KCNQ3: variants seen among roughly 807,000 people sequenced by gnomAD.
The protein encoded by KCNQ3 is potassium voltage-gated channel subfamily KQT member 3.
In KCNQ3, 30 loss-of-function variants were observed where a neutral mutation model predicts 92.5. That is an observed-to-expected ratio of 0.32 (90% CI 0.24 to 0.44). The LOEUF is 0.44. KCNQ3 is among the 20% of genes least tolerant of loss of function. KCNQ3 has a pLI of 1.00. For synonymous variants in KCNQ3, 450 were observed against 468.8 expected, an observed-to-expected ratio of 0.96 and a Z score of 0.52; for missense variants, 913 against 1,140.3, an observed-to-expected ratio of 0.80 and a Z score of 2.87.
intron 1 of KCNQ3, among the ~76,000 whole-genome samples, chr8:132,374,176 G>A (rs957968772): frequency 6.6e-6 from 1 of 152,112 alleles, no homozygotes; most frequent in African/African-American, 2.4e-5. Flanking sequence ...GCCATGACCC[G>A]ACTTGCTCCA....
chr8:132,427,968 C>T (rs543855372), intron 1 of KCNQ3, among the ~76,000 whole-genome samples: 1 of 152,332 alleles, frequency 6.6e-6, no homozygotes, highest in East Asian at 1.9e-4. Context: ...CAATCATACC[C>T]AAGTCTTATG....
intron 1 of KCNQ3, among the ~76,000 whole-genome samples, chr8:132,378,920 C>T (rs1326537662): frequency 1.3e-5 from 2 of 152,212 alleles, no homozygotes; most frequent in African/African-American, 2.4e-5. Flanking sequence ...AGAAGAGTAG[C>T]AGCCATCTTT....
At chr8:132,132,099 A>T in intron 14 of KCNQ3, 81 bp downstream of exon 14, 3 of 958,682 alleles carry the variant, frequency 3.1e-6, no homozygotes, top group South Asian at 1.4e-5. Context: ...AAAAAAAAAA[A>T]GAAAGAAAGA....
intron 1 of KCNQ3, among the ~76,000 whole-genome samples, chr8:132,413,974 A>T (rs1479544770): frequency 1.3e-5 from 2 of 152,160 alleles, no homozygotes; most frequent in Non-Finnish European, 2.9e-5. Context: ...TGAATTATTC[A>T]TCCTGAGGAG....
chr8:132,320,682 C>A (rs1007048664), intron 1 of KCNQ3, among the ~76,000 whole-genome samples: 2 of 152,088 alleles, frequency 1.3e-5, no homozygotes, highest in African/African-American at 4.8e-5. Flanking sequence ...ATACTGACAG[C>A]CCCACTTGCT....
Position 132,163,464 on chromosome 8 carries a change from T to C in KCNQ3, c.1262+4A>G. The C allele has an allele frequency of 6.2e-7, 1 of 1,611,528 alleles. No homozygotes were observed. The highest frequency in any genetic ancestry group is 8.5e-7 in the Non-Finnish European group (1 of 1,177,694). On this transcript the variant is annotated splice_donor_region_variant and intron_variant, in intron 9 of 14. Coordinates refer to ENST00000388996, the MANE Select transcript of KCNQ3 (RefSeq NM_004519.4). ...AAGAAGGGAATTCATAATCAGAAAC[T>C]TACCTGGATGCTGCCTCCAGCTGTT...
In KCNQ3 at chr8:132,132,210, C is replaced by G. The variant is rs1220517722; in HGVS notation, c.1854G>C (p.Met618Ile). ...PSTSEIEDQS[M>I]MGKFVKVERQ... ...TTTCAACTTTTACAAACTTCCCCAT[C>G]ATGCTTTGGTCTTCGATTTCTGATG... Residue 618 changes from methionine (M) to isoleucine (I), a missense_variant, in exon 14 of 15, where the codon ATG becomes ATC. By Grantham distance (10) the Met-to-Ile change is conservative. Transcript: ENST00000388996. The G allele has an allele frequency of 6.2e-7, 1 of 1,613,630 alleles. No homozygotes were observed. The highest frequency in any genetic ancestry group is 1.3e-5 in the African/African-American group (1 of 74,934).
At chr8:132,291,895 T>C (rs1816846595) in intron 1 of KCNQ3, among the ~76,000 whole-genome samples, 1 of 152,170 alleles carries the variant, frequency 6.6e-6, no homozygotes, top group Non-Finnish European at 1.5e-5. Flanking sequence ...AAGTTGCAGA[T>C]AACAGAAGAG....
At chr8:132,134,506 AGAG>A in intron 12 of KCNQ3, 118 bp from the exon 13 acceptor site, 1 of 725,560 alleles carries the variant, frequency 1.4e-6, no homozygotes, top group Non-Finnish European at 2.4e-6. Context: ...AGAGGAGAGG[AGAG>A]GAGAGGAGAA....
intron 1 of KCNQ3, among the ~76,000 whole-genome samples, chr8:132,410,592 C>T (rs1186371235): frequency 6.6e-6 from 1 of 152,210 alleles, no homozygotes; most frequent in Non-Finnish European, 1.5e-5. Context: ...CCAGTGACAG[C>T]CAGTTAGCAG....
At chr8:132,465,686 G>A (rs947185359) in intron 1 of KCNQ3, among the ~76,000 whole-genome samples, 2 of 152,340 alleles carry the variant, frequency 1.3e-5, no homozygotes, top group Non-Finnish European at 1.5e-5. Context: ...GGAGCTTGCA[G>A]TGAGCCGAGA....
intron 1 of KCNQ3, among the ~76,000 whole-genome samples, chr8:132,251,294 C>G (rs1477396140): frequency 6.6e-6 from 1 of 152,098 alleles, no homozygotes; most frequent in African/African-American, 2.4e-5. Context: ...TTGTATTGCC[C>G]TCCAAAAAAG....
rs995098979 is a variant in KCNQ3 at position 132,127,307 on chromosome 8, T to G, written c.*1955A>C. On this transcript the variant is annotated 3_prime_UTR_variant, in exon 15 of 15. Coordinates refer to ENST00000388996, the MANE Select transcript of KCNQ3 (RefSeq NM_004519.4). The stretch of plus-strand genomic sequence containing the variant: ...ACCCATCCATTTATGGGGCTCTCCA[T>G]AAAAAACACCCTTCTGCTGCTCACA... 2 of 152,198 alleles carry G rather than the reference T, an allele frequency of 1.3e-5. No homozygotes were observed. The highest frequency in any genetic ancestry group is 4.8e-5 in the African/African-American group (2 of 41,424). The allele number at this position is 152,198 out of a possible 1,614,324, so 9.4% of individuals were successfully genotyped here. A position where few individuals can be genotyped will look rare whatever the true frequency, so the allele number is the denominator to read the frequency against.
At position 132,307,842 on chromosome 8, in the gene KCNQ3, CAGA is replaced by C. The variant is rs558662846; in HGVS notation, c.387-121664_387-121662del. Among the ~76,000 whole-genome samples, 217 of 152,320 alleles carry C rather than the reference CAGA, an allele frequency of 1.4e-3. 3 individuals carry two copies. The highest frequency in any genetic ancestry group is 5.1e-3 in the African/African-American group (213 of 41,562). On this transcript the variant is annotated intron_variant, in intron 1 of 14. Coordinates refer to ENST00000388996, the MANE Select transcript of KCNQ3 (RefSeq NM_004519.4). The stretch of plus-strand genomic sequence containing the variant: ...TGATAAATGTTCATCCCATTCATAT[CAGA>C]AGATTAGAAAGGTTATATGAGTCGG...
At chr8:132,172,837 G>T (rs193057578) in intron 6 of KCNQ3, 144 bp from the exon 7 acceptor site, 6 of 695,070 alleles carry the variant, frequency 8.6e-6, no homozygotes, top group South Asian at 7.5e-5. Flanking sequence ...AGGGAAGGGG[G>T]AAAGAGCCCT....
At chr8:132,439,985 T>G (rs1009111630) in intron 1 of KCNQ3, among the ~76,000 whole-genome samples, 5 of 152,204 alleles carry the variant, frequency 3.3e-5, no homozygotes, top group Admixed American at 3.3e-4. Flanking sequence ...TGCTCAATCC[T>G]TAATACAAAG....
intron 1 of KCNQ3, among the ~76,000 whole-genome samples, chr8:132,442,583 A>C (rs1250521992): frequency 6.6e-6 from 1 of 152,134 alleles, no homozygotes; most frequent in Non-Finnish European, 1.5e-5. Context: ...CCAATGGCAA[A>C]CTTCTCAAAC....
intron 1 of KCNQ3, among the ~76,000 whole-genome samples, chr8:132,365,724 G>A (rs556883113): frequency 2.0e-5 from 3 of 152,278 alleles, no homozygotes; most frequent in East Asian, 1.9e-4. Context: ...GACTCTACTT[G>A]TATAGTTTAA....
intron 14 of KCNQ3, 71 bp from the exon 15 acceptor site, chr8:132,130,067 A>G (rs1586751313): frequency 1.3e-6 from 2 of 1,496,898 alleles, no homozygotes; most frequent in East Asian, 4.5e-5. Context: ...GGTTGGGAGG[A>G]AATATTCTTT....
Sources: allele counts gnomAD v4.1 joint callset (sites outside exome capture counted in the v4.1 genomes callset), GRCh38; gene constraint gnomAD v4.1.1; transcripts MANE v1.5; gene names NCBI Gene and HGNC (gene_info 2026-07-23, HGNC 2026-07-21).